Variants in DNM1L observed in about 807,000 individuals in gnomAD.
DNM1L encodes dynamin-1-like protein.
A neutral mutation model predicts 92.8 loss-of-function variants in DNM1L; 33 were observed. The ratio of observed to expected loss-of-function variants is 0.36; its 90% CI spans 0.27 to 0.48. DNM1L has a LOEUF of 0.48. DNM1L is among the 20% of genes least tolerant of loss of function. The pLI is 0.99. For synonymous variants in DNM1L, 284 were observed against 305.0 expected (o/e 0.93, Z 0.72); for missense variants, 485 against 888.8 (o/e 0.55, Z 5.78).
intron 1 of DNM1L, among the ~76,000 whole-genome samples, chr12:32,680,341 T>C (rs115957769): frequency 0.019 from 2,841 of 152,328 alleles, 94 homozygotes; most frequent in African/African-American, 0.066. Flanking sequence ...AATTAGTATA[T>C]TGATATTAAG....
At chr12:32,734,809 T>TA (rs540564815) in intron 13 of DNM1L, among the ~76,000 whole-genome samples, 10 of 151,466 alleles carry the variant, frequency 6.6e-5, no homozygotes, top group South Asian at 2.1e-4. Context: ...AACTCCATCT[T>TA]AAAAAAAAAC....
chr12:32,700,636 T>C (rs939464287), intron 1 of DNM1L, among the ~76,000 whole-genome samples: 3 of 151,920 alleles, frequency 2.0e-5, no homozygotes, highest in African/African-American at 7.3e-5. Context: ...TCTCAGCTAC[T>C]GGGAAGGCTG....
At chr12:32,711,479 C>T (rs912347034) in intron 5 of DNM1L, among the ~76,000 whole-genome samples, 1 of 152,080 alleles carries the variant, frequency 6.6e-6, no homozygotes, top group Non-Finnish European at 1.5e-5. Context: ...ATACCGAATT[C>T]CTGACCTGTT....
At chr12:32,700,951 T>A (rs967306647) in intron 1 of DNM1L, among the ~76,000 whole-genome samples, 1 of 152,018 alleles carries the variant, frequency 6.6e-6, no homozygotes, top group Non-Finnish European at 1.5e-5. Flanking sequence ...AACAAATAGA[T>A]CATGTAATAG....
At chr12:32,712,675 A>G (rs1024482452) in intron 5 of DNM1L, among the ~76,000 whole-genome samples, 5 of 150,596 alleles carry the variant, frequency 3.3e-5, no homozygotes, top group East Asian at 3.9e-4. Context: ...AAAAAAAAAA[A>G]AAAGAAAAAA....
At chr12:32,717,366 A>G (rs534052876) in intron 6 of DNM1L, among the ~76,000 whole-genome samples, 1 of 63,356 alleles carries the variant, frequency 1.6e-5, no homozygotes, top group African/African-American at 7.3e-5. Flanking sequence ...AGTATATATA[A>G]TATATATACT....
chr12:32,720,857 GTTCA>G (rs1953769904), intron 8 of DNM1L, 62 bp downstream of exon 8: 1 of 1,599,126 alleles, frequency 6.3e-7, no homozygotes, highest in Admixed American at 1.7e-5. Flanking sequence ...GTCTGAGAGG[GTTCA>G]TTTTCAGTTC....
chr12:32,716,996 G>A (rs1009415243), intron 6 of DNM1L, among the ~76,000 whole-genome samples: 9 of 143,486 alleles, frequency 6.3e-5, no homozygotes, highest in African/African-American at 2.3e-4. Flanking sequence ...CACCAGCAAC[G>A]TGTGAGAGTT....
chr12:32,679,588 G>C (rs1350220319), intron 1 of DNM1L, 123 bp downstream of exon 1: 2 of 1,433,604 alleles, frequency 1.4e-6, no homozygotes, highest in African/African-American at 2.9e-5. Context: ...CCTGTGGGAG[G>C]AGGGCCTTGC....
At chr12:32,694,561 T>G (rs1952360564) in intron 1 of DNM1L, among the ~76,000 whole-genome samples, 1 of 152,204 alleles carries the variant, frequency 6.6e-6, no homozygotes, top group Non-Finnish European at 1.5e-5. Context: ...ACATTAGTCT[T>G]GATACCTCTA....
Position 32,737,948 on chromosome 12 carries a change from T to C in DNM1L, c.1674+6T>C, listed in dbSNP as rs749151588. ...CTGCTGAGGCTGATGGCAAGGTCTG[T>C]TCTGATTCTTAATCTAAGCCTGCAT... On this transcript the variant is annotated splice_donor_region_variant and intron_variant, in intron 15 of 19. Coordinates refer to ENST00000549701, the MANE Select transcript of DNM1L (RefSeq NM_012062.5). The C allele has an allele frequency of 6.2e-7, 1 of 1,613,550 alleles. No individual in the cohort carries two copies. Among genetic ancestry groups the C allele is most frequent in the Non-Finnish European group, 8.5e-7 (1 of 1,179,900 alleles).
At chr12:32,695,268 G>A (rs1952393026) in intron 1 of DNM1L, among the ~76,000 whole-genome samples, 1 of 152,148 alleles carries the variant, frequency 6.6e-6, no homozygotes, top group Non-Finnish European at 1.5e-5. Context: ...AATGATTGTT[G>A]TCAAATGTCA....
chr12:32,726,877 C>A, intron 9 of DNM1L: 1 of 652,172 alleles, frequency 1.5e-6, no homozygotes, highest in South Asian at 1.9e-5. Context: ...TTTGTCAGCA[C>A]TTCATTTGTA....
At chr12:32,713,395 G>A (rs367668026) in intron 6 of DNM1L, 24 bp downstream of exon 6, 1 of 1,612,062 alleles carries the variant, frequency 6.2e-7, no homozygotes, top group African/African-American at 1.3e-5. Context: ...TTAATTTAAT[G>A]AGATGCTTAT....
At chr12:32,709,142 C>T (rs1393960460) in intron 4 of DNM1L, among the ~76,000 whole-genome samples, 3 of 152,098 alleles carry the variant, frequency 2.0e-5, no homozygotes, top group Non-Finnish European at 4.4e-5. Context: ...GAGCTTTGTT[C>T]ATTGTTGAAC....
chr12:32,740,758 C>T (rs777005526), intron 18 of DNM1L, among the ~76,000 whole-genome samples: 3 of 152,162 alleles, frequency 2.0e-5, no homozygotes, highest in Non-Finnish European at 2.9e-5. Flanking sequence ...TTCTATCTGG[C>T]TGCCACATTT....
At chr12:32,713,779 A>G (rs939041992) in intron 6 of DNM1L, among the ~76,000 whole-genome samples, 3 of 152,148 alleles carry the variant, frequency 2.0e-5, no homozygotes, top group African/African-American at 7.2e-5. Flanking sequence ...CAGGAGTTCA[A>G]AGTCAGCCCG....
At chr12:32,714,126 C>G (rs1388281890) in intron 6 of DNM1L, among the ~76,000 whole-genome samples, 3 of 152,010 alleles carry the variant, frequency 2.0e-5, no homozygotes, top group Non-Finnish European at 4.4e-5. Context: ...TTTTTTTCAC[C>G]TTACTATTCA....
chr12:32,679,908 G>A, intron 1 of DNM1L: 1 of 987,102 alleles, frequency 1.0e-6, no homozygotes, highest in African/African-American at 1.7e-5. Flanking sequence ...TGAGACGGGT[G>A]TTTTATTTCC....
Sources: allele counts gnomAD v4.1 joint callset (sites outside exome capture counted in the v4.1 genomes callset), GRCh38; gene constraint gnomAD v4.1.1; transcripts MANE v1.5; gene names NCBI Gene and HGNC (gene_info 2026-07-23, HGNC 2026-07-21).